SCFD2: variants seen among roughly 807,000 people sequenced by gnomAD.
The protein encoded by SCFD2 is sec1 family domain-containing protein 2.
SCFD2 carries 54 observed loss-of-function variants against 58.9 expected under a neutral mutation model. The observed-to-expected ratio is 0.92, with a 90% CI of 0.74 to 1.15. SCFD2 has a LOEUF of 1.15. Ranked by LOEUF, SCFD2 falls within the 50% of genes most tolerant of loss-of-function variation. SCFD2 has a pLI of 0.00. For synonymous variants in SCFD2, 321 were observed against 335.9 expected, an observed-to-expected ratio of 0.96 and a Z score of 0.49; for missense variants, 805 against 836.6, an observed-to-expected ratio of 0.96 and a Z score of 0.47.
intron 8 of SCFD2, among the ~76,000 whole-genome samples, chr4:52,876,086 G>A (rs1242282004): frequency 6.6e-6 from 1 of 151,744 alleles, no homozygotes; most frequent in African/African-American, 2.4e-5. Flanking sequence ...TGAGCCTGGC[G>A]GCTTCCAGGC....
chr4:53,146,613 G>T (rs1726338939), intron 4 of SCFD2, among the ~76,000 whole-genome samples: 2 of 152,090 alleles, frequency 1.3e-5, no homozygotes. Flanking sequence ...TTACATTCTA[G>T]TTAGAGAAAA....
intron 4 of SCFD2, among the ~76,000 whole-genome samples, chr4:53,228,626 T>C (rs1298061707): frequency 6.6e-6 from 1 of 152,130 alleles, no homozygotes; most frequent in Non-Finnish European, 1.5e-5. Flanking sequence ...TATCTCAAAA[T>C]AATAAGAGCT....
intron 4 of SCFD2, among the ~76,000 whole-genome samples, chr4:53,218,421 C>T (rs563029856): frequency 6.6e-6 from 1 of 152,292 alleles, no homozygotes; most frequent in Non-Finnish European, 1.5e-5. Context: ...CCCTTTCTTC[C>T]AGTTGTTCAA....
intron 1 of SCFD2, among the ~76,000 whole-genome samples, chr4:53,357,132 T>A (rs1437357409): frequency 6.6e-6 from 1 of 152,178 alleles, no homozygotes; most frequent in South Asian, 2.1e-4. Flanking sequence ...AATGAAGGAA[T>A]TATTTCAAGC....
chr4:53,103,705 T>C (rs186275436), intron 5 of SCFD2, among the ~76,000 whole-genome samples: 14 of 143,076 alleles, frequency 9.8e-5, no homozygotes, highest in African/African-American at 2.8e-4. Context: ...AAATAGCTGA[T>C]TCTAGGACAA....
intron 5 of SCFD2, among the ~76,000 whole-genome samples, chr4:52,972,918 C>A (rs1034991746): frequency 1.1e-4 from 17 of 152,154 alleles, no homozygotes; most frequent in Admixed American, 3.3e-4. Context: ...TGAATGACTA[C>A]TGGGTACATA....
chr4:52,876,199 G>A (rs1383356190), intron 8 of SCFD2, among the ~76,000 whole-genome samples: 5 of 152,028 alleles, frequency 3.3e-5, no homozygotes, highest in African/African-American at 7.2e-5. Context: ...ATCTCTCTCA[G>A]AAGGAAAATA....
chr4:53,363,541 G>A (rs1258904192), intron 1 of SCFD2, among the ~76,000 whole-genome samples: 2 of 151,190 alleles, frequency 1.3e-5, no homozygotes, highest in Non-Finnish European at 2.9e-5. Context: ...TATTTATTCT[G>A]TATGTTTAAA....
At chr4:53,016,647 G>C (rs1013836140) in intron 5 of SCFD2, among the ~76,000 whole-genome samples, 3 of 152,204 alleles carry the variant, frequency 2.0e-5, no homozygotes, top group Non-Finnish European at 4.4e-5. Flanking sequence ...TGCTACAGAT[G>C]AGTAAGAGGC....
At chr4:53,109,600 GA>G (rs1458653469) in intron 5 of SCFD2, among the ~76,000 whole-genome samples, 2 of 152,150 alleles carry the variant, frequency 1.3e-5, no homozygotes, top group Admixed American at 1.3e-4. Flanking sequence ...GCCAAATCAT[GA>G]GTGAACTCCC....
chr4:52,896,758 G>A (rs540184088), intron 7 of SCFD2, among the ~76,000 whole-genome samples: 86 of 152,276 alleles, frequency 5.6e-4, no homozygotes, highest in African/African-American at 2.0e-3. Context: ...GGGCAGCATG[G>A]CCATTTTCAC....
chr4:53,010,087 G>A (rs1722062625), intron 5 of SCFD2, among the ~76,000 whole-genome samples: 1 of 152,102 alleles, frequency 6.6e-6, no homozygotes, highest in African/African-American at 2.4e-5. Context: ...ATCCTCCACA[G>A]CATCCAGCCT....
intron 5 of SCFD2, among the ~76,000 whole-genome samples, chr4:53,122,545 GAATA>G (rs1474291299): frequency 6.6e-6 from 1 of 152,126 alleles, no homozygotes; most frequent in Non-Finnish European, 1.5e-5. Context: ...GAAATAAGCA[GAATA>G]AATAGGTGGG....
intron 4 of SCFD2, among the ~76,000 whole-genome samples, chr4:53,248,702 A>G (rs989157469): frequency 6.6e-6 from 1 of 152,154 alleles, no homozygotes; most frequent in African/African-American, 2.4e-5. Flanking sequence ...CAGGGTCTGG[A>G]GTAGACCTCT....
At chr4:53,263,742 G>A (rs181281861) in intron 4 of SCFD2, among the ~76,000 whole-genome samples, 135 of 152,318 alleles carry the variant, frequency 8.9e-4, no homozygotes, top group African/African-American at 3.1e-3. Flanking sequence ...CCAGCCAGGA[G>A]GTGGCGCTTT....
At chr4:53,267,845 T>C (rs1463506195) in intron 4 of SCFD2, among the ~76,000 whole-genome samples, 1 of 152,158 alleles carries the variant, frequency 6.6e-6, no homozygotes, top group South Asian at 2.1e-4. Flanking sequence ...AACAAAAGAT[T>C]CCAAAAATTA....
chr4:53,316,761 C>T (rs1732876402), intron 2 of SCFD2, among the ~76,000 whole-genome samples: 1 of 152,088 alleles, frequency 6.6e-6, no homozygotes, highest in South Asian at 2.1e-4. Context: ...TTTCCATGAT[C>T]TCTAACAGTG....
intron 4 of SCFD2, among the ~76,000 whole-genome samples, chr4:53,154,347 C>G (rs1189588035): frequency 6.6e-6 from 1 of 152,110 alleles, no homozygotes; most frequent in Non-Finnish European, 1.5e-5. Flanking sequence ...GCTGGCATAT[C>G]ACATGGTGAA....
intron 6 of SCFD2, among the ~76,000 whole-genome samples, chr4:52,916,382 C>T (rs1719606996): frequency 6.6e-6 from 1 of 152,200 alleles, no homozygotes; most frequent in Admixed American, 6.5e-5. Context: ...CCAGCCTCGC[C>T]AACATGGCGA....
Sources: allele counts gnomAD v4.1 joint callset (sites outside exome capture counted in the v4.1 genomes callset), GRCh38; gene constraint gnomAD v4.1.1; transcripts MANE v1.5; gene names NCBI Gene and HGNC (gene_info 2026-07-23, HGNC 2026-07-21).